AGBL4: variants seen among roughly 807,000 people sequenced by gnomAD.
The protein encoded by AGBL4 is AGBL carboxypeptidase 4, also known as cytosolic carboxypeptidase 6.
In AGBL4, 58 loss-of-function variants were observed where a neutral mutation model predicts 66.4. That is an observed-to-expected ratio of 0.87 (90% CI 0.71 to 1.09). The LOEUF is 1.09. Ranked by LOEUF, AGBL4 falls within the 50% of genes least tolerant of loss-of-function variation. AGBL4 has a pLI of 0.00. For synonymous variants in AGBL4, 234 were observed against 222.9 expected (o/e 1.05, Z -0.44); for missense variants, 579 against 631.0 (o/e 0.92, Z 0.88).
intron 11 of AGBL4, among the ~76,000 whole-genome samples, chr1:48,575,673 T>C (rs1196675949): frequency 1.3e-5 from 2 of 152,184 alleles, no homozygotes; most frequent in East Asian, 3.9e-4. Flanking sequence ...TCCCTTCTCA[T>C]CCTTCTAGAC....
At chr1:49,737,998 G>A (rs956173061) in intron 2 of AGBL4, among the ~76,000 whole-genome samples, 1 of 152,106 alleles carries the variant, frequency 6.6e-6, no homozygotes, top group East Asian at 1.9e-4. Context: ...AGTGCACCGA[G>A]CGTGAGCATT....
intron 4 of AGBL4, among the ~76,000 whole-genome samples, chr1:49,245,050 G>C (rs1651527623): frequency 6.6e-6 from 1 of 151,428 alleles, no homozygotes; most frequent in Admixed American, 6.6e-5. Context: ...CTGTAATATA[G>C]GGATACTTAA....
intron 6 of AGBL4, among the ~76,000 whole-genome samples, chr1:48,820,104 A>G (rs538115496): frequency 6.6e-6 from 1 of 152,354 alleles, no homozygotes; most frequent in East Asian, 1.9e-4. Context: ...GAAAAATTGA[A>G]ACAAGAAATT....
chr1:48,563,851 A>G (rs889206675), intron 11 of AGBL4, among the ~76,000 whole-genome samples: 16 of 152,184 alleles, frequency 1.1e-4, no homozygotes, highest in Non-Finnish European at 1.9e-4. Context: ...GTGGAATTCA[A>G]AAGAGGAAGA....
intron 6 of AGBL4, among the ~76,000 whole-genome samples, chr1:48,840,321 C>A (rs1646770122): frequency 6.6e-6 from 1 of 152,240 alleles, no homozygotes; most frequent in Non-Finnish European, 1.5e-5. Context: ...AGCTGGCATA[C>A]AGTATACAAT....
intron 2 of AGBL4, among the ~76,000 whole-genome samples, chr1:49,701,978 G>T (rs1020141715): frequency 6.6e-6 from 1 of 151,310 alleles, no homozygotes; most frequent in Non-Finnish European, 1.5e-5. Context: ...GATGAAAAAG[G>T]GTAATTCCAC....
chr1:49,746,810 CAA>C (rs1651021728), intron 2 of AGBL4, among the ~76,000 whole-genome samples: 1 of 151,872 alleles, frequency 6.6e-6, no homozygotes, highest in Non-Finnish European at 1.5e-5. Context: ...GATATATTTC[CAA>C]AGACTCTCCT....
intron 2 of AGBL4, among the ~76,000 whole-genome samples, chr1:49,708,531 C>T (rs1352386373): frequency 6.6e-6 from 1 of 151,926 alleles, no homozygotes; most frequent in Non-Finnish European, 1.5e-5. Flanking sequence ...TTGTTATTAC[C>T]TACCTTCTGA....
chr1:48,650,860 C>T (rs1269793480), intron 8 of AGBL4, among the ~76,000 whole-genome samples: 3 of 152,122 alleles, frequency 2.0e-5, no homozygotes, highest in East Asian at 1.9e-4. Flanking sequence ...TTTGAAAAGT[C>T]GTATGAATAA....
In AGBL4 at chr1:49,897,406, A is replaced by G. The variant is rs114326868; in HGVS notation, c.35-45888T>C. On this transcript the variant is annotated intron_variant, in intron 1 of 13. Transcript: ENST00000371839. ...CAGAATTAACCTAACCAAAGAAATT[A>G]AAGATCTCTAAAATAAAAACTATAA... is the stretch of plus-strand genomic sequence containing the variant. Among the ~76,000 whole-genome samples the G allele has an allele frequency of 5.9e-3, 904 of 152,160 alleles. 4 individuals carry two copies. Among genetic ancestry groups the G allele is most frequent in the Middle Eastern group, 0.027 (8 of 294 alleles).
Position 49,885,232 on chromosome 1 carries a change from G to C in AGBL4, c.35-33714C>G, listed in dbSNP as rs919428992. Among the ~76,000 whole-genome samples the C allele has an allele frequency of 6.6e-5, 10 of 151,948 alleles. 1 individual carries two copies. Among genetic ancestry groups the C allele is most frequent in the Admixed American group, 5.2e-4 (8 of 15,246 alleles). ...AGTCTGTCAAAAGTTCCATTATAAAGCCATATTTCCAGGGCTTCATAATTT... is the reference window on the plus strand; with the variant it reads ...AGTCTGTCAAAAGTTCCATTATAAACCCATATTTCCAGGGCTTCATAATTT... On this transcript the variant is annotated intron_variant, in intron 1 of 13. Coordinates refer to ENST00000371839, the MANE Select transcript of AGBL4 (RefSeq NM_032785.4).
At position 49,928,409 on chromosome 1, in the gene AGBL4, C is replaced by T. The variant is rs967413678; in HGVS notation, c.35-76891G>A. On this transcript the variant is annotated intron_variant, in intron 1 of 13. Coordinates refer to ENST00000371839, the MANE Select transcript of AGBL4 (RefSeq NM_032785.4). The stretch of plus-strand genomic sequence containing the variant: ...GGGACTACAGGTGAGTGCCACTGTG[C>T]CCAGCTAGTTTTTGTATTTTTAGTA... Among the ~76,000 whole-genome samples the T allele has an allele frequency of 5.3e-5, 8 of 151,998 alleles. No homozygotes were observed. In the South Asian group the frequency reaches 1.7e-3, roughly 32 times the overall value.
chr1:49,271,595 T>C (rs899303166), intron 3 of AGBL4, among the ~76,000 whole-genome samples: 1 of 151,974 alleles, frequency 6.6e-6, no homozygotes, highest in African/African-American at 2.4e-5. Flanking sequence ...TTCTCTCTTT[T>C]CTGATTCTGT....
chr1:49,937,583 G>C (rs998159032), intron 1 of AGBL4, among the ~76,000 whole-genome samples: 5 of 151,224 alleles, frequency 3.3e-5, no homozygotes, highest in African/African-American at 7.3e-5. Context: ...TGACCACATA[G>C]TTGGAAGTAA....
intron 5 of AGBL4, among the ~76,000 whole-genome samples, chr1:49,024,147 T>C (rs1571255485): frequency 1.3e-5 from 2 of 152,290 alleles, no homozygotes; most frequent in Admixed American, 6.5e-5. Flanking sequence ...TAATCATAGA[T>C]AGTGTATCTT....
chr1:48,529,566 C>A (rs1431982991), downstream of AGBL4, among the ~76,000 whole-genome samples: 1 of 152,088 alleles, frequency 6.6e-6, no homozygotes, highest in South Asian at 2.1e-4. Context: ...GTTCCTATTA[C>A]GTTATGTCTC....
At chr1:49,582,761 T>C (rs1307003650) in intron 3 of AGBL4, among the ~76,000 whole-genome samples, 3 of 152,198 alleles carry the variant, frequency 2.0e-5, no homozygotes, top group Non-Finnish European at 2.9e-5. Flanking sequence ...TTATCTCTTA[T>C]AGTTTTCTGG....
At chr1:48,534,366 T>A in intron 13 of AGBL4, 73 bp from the exon 14 acceptor site, 3 of 1,482,476 alleles carry the variant, frequency 2.0e-6, no homozygotes, top group Non-Finnish European at 2.7e-6. Context: ...TTTGTGTGCA[T>A]GTCTATCTTC....
At chr1:49,551,822 G>C (rs1329265097) in intron 3 of AGBL4, among the ~76,000 whole-genome samples, 1 of 152,230 alleles carries the variant, frequency 6.6e-6, no homozygotes, top group Non-Finnish European at 1.5e-5. Flanking sequence ...TGGTAGTATA[G>C]AGAGGAAACA....
Sources: allele counts gnomAD v4.1 joint callset (sites outside exome capture counted in the v4.1 genomes callset), GRCh38; gene constraint gnomAD v4.1.1; transcripts MANE v1.5; gene names NCBI Gene and HGNC (gene_info 2026-07-23, HGNC 2026-07-21).